The following PIK3C2B variants were observed in gnomAD, a reference collection of about 807,000 sequenced individuals.
PIK3C2B encodes the protein phosphatidylinositol-4-phosphate 3-kinase catalytic subunit type 2 beta.
Under a neutral mutation model 184.3 loss-of-function variants are expected in PIK3C2B, and 83 were observed. The ratio of observed to expected loss-of-function variants is 0.45; its 90% CI spans 0.38 to 0.54. The LOEUF is 0.54. PIK3C2B is among the 20% of genes least tolerant of loss of function. The pLI is 0.00. For synonymous variants in PIK3C2B, 779 were observed against 837.6 expected (o/e 0.93, Z 1.21); for missense variants, 1,736 against 2,113.5 (o/e 0.82, Z 3.50).
chr1:204,453,880 T>C (rs1328576840), intron 12 of PIK3C2B, among the ~76,000 whole-genome samples: 3 of 151,900 alleles, frequency 2.0e-5, no homozygotes, highest in Non-Finnish European at 4.4e-5. Context: ...TTCAAGCGAT[T>C]CTCCTGCCTC....
At chr1:204,472,737 A>G (rs1277945754) in intron 1 of PIK3C2B, among the ~76,000 whole-genome samples, 1 of 152,126 alleles carries the variant, frequency 6.6e-6, no homozygotes, top group Non-Finnish European at 1.5e-5. Context: ...CTGAGAGTGC[A>G]TCATTTCACT....
At position 204,449,368 on chromosome 1, in the gene PIK3C2B, C is replaced by G. The variant is rs1027915010; in HGVS notation, c.2235-72G>C. 4.4e-6 allele frequency: 5 copies of G among 1,149,064 alleles called. No individual in the cohort carries two copies. In the African/African-American group the frequency reaches 7.7e-5, roughly 18 times the overall value. 71.2% of individuals were successfully genotyped at this position (1,149,064 alleles called of 1,614,324 possible). On this transcript the variant is annotated intron_variant, in intron 13 of 32. Transcript: ENST00000684373. ...AGAATATTTCTACTGCTCCCCCAAT[C>G]CAAAAATCTGCCTTTTCTGTTTGAA...
At position 204,424,949 on chromosome 1, in the gene PIK3C2B, A is replaced by C. The variant is rs1674668921; in HGVS notation, c.4808T>G (p.Leu1603Arg). Residue 1603 changes from leucine to arginine, a missense_variant, in exon 33 of 33, where the codon CTC becomes CGC. Leu to Arg is a moderately radical substitution (Grantham distance 102). Coordinates refer to ENST00000684373, the MANE Select transcript of PIK3C2B (RefSeq NM_001377334.1). ...LSEQGFWENVLLGEVNIRLRE... is the reference protein window; with the variant it reads ...LSEQGFWENVRLGEVNIRLRE... ...CAGGCGGATGTTCACCTCACCGAGGAGGACGTTCTCCCAGAATCCCTGCTC... is the reference window on the plus strand; with the variant it reads ...CAGGCGGATGTTCACCTCACCGAGGCGGACGTTCTCCCAGAATCCCTGCTC... 1.9e-6 allele frequency: 3 copies of C among 1,614,194 alleles called. No individual in the cohort carries two copies. The highest frequency in any genetic ancestry group is 2.5e-6 in the Non-Finnish European group (3 of 1,180,000).
In PIK3C2B at chr1:204,441,458, A is replaced by T; in HGVS notation, c.3249+13T>A. On this transcript the variant is annotated intron_variant, in intron 21 of 32. Transcript: ENST00000684373. ...CCACCCTGGTCCACCAGGCTTGAGT[A>T]AAGTATTCTCACCTTGAAGATGACA... 6.3e-7 allele frequency: 1 copy of T among 1,581,670 alleles called. No individual in the cohort carries two copies. Among genetic ancestry groups the T allele is most frequent in the Non-Finnish European group, 8.7e-7 (1 of 1,150,824 alleles).
chr1:204,461,994 T>C (rs577977330), intron 5 of PIK3C2B, among the ~76,000 whole-genome samples: 2 of 151,520 alleles, frequency 1.3e-5, no homozygotes, highest in Admixed American at 1.3e-4. Context: ...GCAGTTGTCA[T>C]GTGTTGGGGG....
At chr1:204,472,980 T>C (rs1656416328) in intron 1 of PIK3C2B, among the ~76,000 whole-genome samples, 1 of 152,208 alleles carries the variant, frequency 6.6e-6, no homozygotes, top group Non-Finnish European at 1.5e-5. Context: ...ACTCTTAGCA[T>C]CAGCAGCCAA....
Position 204,434,419 on chromosome 1 carries a change from G to T in PIK3C2B, c.3686+20C>A, listed in dbSNP as rs1675232812. 1.9e-6 allele frequency: 3 copies of T among 1,612,262 alleles called. No individual in the cohort carries two copies. Among genetic ancestry groups the T allele is most frequent in the Non-Finnish European group, 2.5e-6 (3 of 1,178,634 alleles). Reference sequence around the variant, plus strand: ...CCTCCTTGCCCTTCACTCACAATCTGGCTTCAGGAGATCACTTACCGCTTG... The same window carrying T: ...CCTCCTTGCCCTTCACTCACAATCTTGCTTCAGGAGATCACTTACCGCTTG... On this transcript the variant is annotated intron_variant, in intron 24 of 32. Coordinates refer to ENST00000684373, the MANE Select transcript of PIK3C2B (RefSeq NM_001377334.1).
In PIK3C2B at chr1:204,485,041, C is replaced by CT. The variant is rs541322931; in HGVS notation, c.-85+9314dup. Among the ~76,000 whole-genome samples the CT allele has an allele frequency of 9.5e-3, 1,321 of 138,352 alleles. 15 individuals carry two copies. Among genetic ancestry groups the CT allele is most frequent in the African/African-American group, 0.026 (996 of 37,684 alleles). The allele number at this position is 138,352 out of a possible 152,430, so 90.8% of individuals were successfully genotyped here. ...GCTGAGCTATAACCAGTCTTCCAGT[C>CT]TTTTTTTTTTTTTTTTTAATTTTAA... On this transcript the variant is annotated intron_variant, in intron 1 of 32. Coordinates refer to ENST00000684373, the MANE Select transcript of PIK3C2B (RefSeq NM_001377334.1).
rs747539571 is a variant in PIK3C2B at position 204,468,874 on chromosome 1, G to A, written c.929C>T (p.Ala310Val). 1.9e-6 allele frequency: 3 copies of A among 1,581,322 alleles called. No individual in the cohort carries two copies. Among genetic ancestry groups the A allele is most frequent in the East Asian group, 4.5e-5 (2 of 44,614 alleles). The change falls in exon 2 of 33, where the codon GCC (alanine) becomes GTC (valine). Residue 310 changes from alanine (A) to valine (V), a missense_variant. Transcript: ENST00000684373. ...GAAACACAAGAAGGTCCTCACCGGG[G>A]CTGCAGAAATCCGGCGGTTCTTGCC... ...TPGKNRRISA[A>V]PVGSRPHTVA...
At chr1:204,480,147 T>C (rs1043183640) in intron 1 of PIK3C2B, among the ~76,000 whole-genome samples, 1 of 152,232 alleles carries the variant, frequency 6.6e-6, no homozygotes, top group African/African-American at 2.4e-5. Flanking sequence ...GCAGAGGCAC[T>C]GGACTGACCA....
At position 204,433,689 on chromosome 1, in the gene PIK3C2B, A is replaced by T. The variant is rs1044221756; in HGVS notation, c.3843+104T>A. 59 of 1,139,002 alleles carry T rather than the reference A, an allele frequency of 5.2e-5. No individual in the cohort carries two copies. The African/African-American group carries it at 8.0e-4, about 15-fold the overall frequency. The allele number at this position is 1,139,002 out of a possible 1,614,324, so 70.6% of individuals were successfully genotyped here. ...GCAGGCAGGTATTCAGTTGGGGCTCAGAGAGGTAAATCTCTAGAAATCCTC... is the reference window on the plus strand; with the variant it reads ...GCAGGCAGGTATTCAGTTGGGGCTCTGAGAGGTAAATCTCTAGAAATCCTC... On this transcript the variant is annotated intron_variant, in intron 25 of 32. Coordinates refer to ENST00000684373, the MANE Select transcript of PIK3C2B (RefSeq NM_001377334.1). This position sits in a 1 kb window ranked among gnomAD's most constrained non-coding sequence, Gnocchi z 5.0.
intron 15 of PIK3C2B, 102 bp from the exon 16 acceptor site, chr1:204,446,246 G>C (rs1653854737): frequency 1.5e-6 from 1 of 672,612 alleles, no homozygotes; most frequent in African/African-American, 1.8e-5. Context: ...AGGGAGTGCT[G>C]CACACACTGC....
intron 1 of PIK3C2B, among the ~76,000 whole-genome samples, chr1:204,482,172 C>G (rs1366028245): frequency 6.6e-6 from 1 of 150,772 alleles, no homozygotes; most frequent in Admixed American, 6.6e-5. Flanking sequence ...TCCCCCTGGT[C>G]TCTGCTCCTG....
intron 1 of PIK3C2B, among the ~76,000 whole-genome samples, chr1:204,478,016 C>T (rs930794214): frequency 3.3e-5 from 5 of 152,070 alleles, no homozygotes; most frequent in Admixed American, 1.3e-4. Flanking sequence ...TCAAGCAAGG[C>T]GGTGAAGAAT....
chr1:204,444,420 G>A lies in PIK3C2B; in HGVS notation c.2683C>T (p.Pro895Ser). 6.2e-7 allele frequency: 1 copy of A among 1,612,056 alleles called. No homozygotes were observed. The highest frequency in any genetic ancestry group is 8.5e-7 in the Non-Finnish European group (1 of 1,179,076). The change falls in exon 17 of 33, where the codon CCG becomes TCG. Residue 895 changes from proline to serine, a missense_variant. Pro to Ser is a moderately conservative substitution (Grantham distance 74, BLOSUM62 -1). Around this residue, in one of 8 missense-constraint regions of PIK3C2B, gnomAD observed 289 missense variants for 380.4 expected, o/e 0.76. Coordinates refer to ENST00000684373, the MANE Select transcript of PIK3C2B (RefSeq NM_001377334.1). ...GCCATACGACGCACCTCCTGGTCCGGGAAGCTGCAAAACAGAGCCCAGTGC... is the reference window on the plus strand; with the variant it reads ...GCCATACGACGCACCTCCTGGTCCGAGAAGCTGCAAAACAGAGCCCAGTGC... The part of the protein sequence containing the change: ...DALGLLHATF[P>S]DQEVRRMAVQ...
At chr1:204,481,268 CTT>C (rs59090154) in intron 1 of PIK3C2B, among the ~76,000 whole-genome samples, 1 of 118,766 alleles carries the variant, frequency 8.4e-6, no homozygotes, top group Non-Finnish European at 1.6e-5. Flanking sequence ...AGGTCACATT[CTT>C]TTTTTTTTTT....
At chr1:204,459,352 T>C (rs1264750914) in intron 8 of PIK3C2B, among the ~76,000 whole-genome samples, 1 of 152,236 alleles carries the variant, frequency 6.6e-6, no homozygotes, top group Non-Finnish European at 1.5e-5. Flanking sequence ...CAGATTTTCT[T>C]TGGCGTTGTG....
chr1:204,440,129 T>C (rs1675566572), intron 22 of PIK3C2B, 63 bp downstream of exon 22: 26 of 1,514,234 alleles, frequency 1.7e-5, no homozygotes, highest in Non-Finnish European at 2.3e-5. Context: ...GTGTTGGCAA[T>C]GGGCAGAAGG....
intron 1 of PIK3C2B, among the ~76,000 whole-genome samples, chr1:204,490,650 G>C (rs1657944365): frequency 6.6e-6 from 1 of 152,066 alleles, no homozygotes; most frequent in Non-Finnish European, 1.5e-5. Flanking sequence ...CAAGCTGGGA[G>C]AGGTGGCTCA....
Sources: gnomAD v4.1 joint callset for allele counts (sites outside exome capture counted in the v4.1 genomes callset) on GRCh38, gnomAD v4.1.1 for gene constraint, gnomAD v4.1.1 regional missense constraint, Gnocchi (gnomAD v3.1) non-coding constraint, MANE v1.5 for transcripts, NCBI Gene and HGNC (gene_info 2026-07-23, HGNC 2026-07-21) for gene names.